The following VPS13A variants were observed in gnomAD, a reference collection of about 807,000 sequenced individuals.
The protein encoded by VPS13A is intermembrane lipid transfer protein VPS13A.
VPS13A carries 264 observed loss-of-function variants against 390.9 expected under a neutral mutation model. That is an observed-to-expected ratio of 0.68 (90% CI 0.61 to 0.75). VPS13A has a LOEUF of 0.75. VPS13A is among the 30% of genes least tolerant of loss of function. The pLI is 0.00. For synonymous variants in VPS13A, 1,231 were observed against 1,227.1 expected (o/e 1.00, Z -0.07); for missense variants, 3,409 against 3,733.9 (o/e 0.91, Z 2.27).
At chr9:77,214,293 C>T (rs766583050) in intron 9 of VPS13A, 36 bp from the exon 10 acceptor site, 1 of 1,575,092 alleles carries the variant, frequency 6.3e-7, no homozygotes, top group South Asian at 1.1e-5. Flanking sequence ...GACATATTGG[C>T]ATGAATATAA....
chr9:77,252,208 T>C (rs1330925511), intron 21 of VPS13A, 27 bp from the exon 22 acceptor site: 3 of 1,542,834 alleles, frequency 1.9e-6, no homozygotes, highest in East Asian at 4.5e-5. Flanking sequence ...ATAGTTACGT[T>C]AAATATGAAC....
chr9:77,229,340 C>G (rs184015685), intron 17 of VPS13A, among the ~76,000 whole-genome samples: 1 of 152,236 alleles, frequency 6.6e-6, no homozygotes, highest in East Asian at 1.9e-4. Flanking sequence ...CTCAGCCTCC[C>G]GAAGTGCTGG....
Position 77,261,291 on chromosome 9 carries a change from A to G in VPS13A, c.2427+1067A>G, listed in dbSNP as rs182749208. The stretch of plus-strand genomic sequence containing the variant: ...ACCATTATTATCATATATGCCTTAG[A>G]TAAATTTTTATGTTAGCACATACAG... On this transcript the variant is annotated intron_variant, in intron 23 of 71. Transcript: ENST00000360280. Among the ~76,000 whole-genome samples the G allele has an allele frequency of 5.1e-3, 778 of 152,254 alleles. 3 individuals carry two copies. Among genetic ancestry groups the G allele is most frequent in the Non-Finnish European group, 9.4e-3 (641 of 68,012 alleles).
rs777234852 is a variant in VPS13A, at chr9:77,273,306, A to G, written c.2454A>G (p.Thr818=). 7.4e-6 allele frequency: 12 copies of G among 1,612,226 alleles called. No homozygotes were observed. The highest frequency in any genetic ancestry group is 9.3e-6 in the Non-Finnish European group (11 of 1,179,054). Residue 818 remains threonine (T), a synonymous_variant, in exon 24 of 72, where the codon ACA becomes ACG. Transcript: ENST00000360280. The part of the protein sequence containing the change: ...FQIQTSTSLG[T]SQISQKIIPL... ...TTCAAACATCTACTTCTTTGGGAAC[A>G]TCACAGATTTCACAGAAAATAATTC...
At chr9:77,382,468 T>G in intron 68 of VPS13A, 1 of 1,354,474 alleles carries the variant, frequency 7.4e-7, no homozygotes, top group Non-Finnish European at 9.5e-7. Context: ...GTGTTCTTAG[T>G]TCTGCACTGG....
intron 38 of VPS13A, 122 bp downstream of exon 38, chr9:77,315,592 A>T (rs1829336862): frequency 9.7e-7 from 1 of 1,026,144 alleles, no homozygotes; most frequent in South Asian, 1.4e-5. Context: ...TTTATTTTTC[A>T]GAGTAGAAGG....
At chr9:77,224,613 A>T (rs901272759) in intron 13 of VPS13A, among the ~76,000 whole-genome samples, 10 of 152,228 alleles carry the variant, frequency 6.6e-5, no homozygotes, top group Non-Finnish European at 1.3e-4. Context: ...CAATCTCATG[A>T]TAAAACTTTA....
chr9:77,407,897 A>AAATTAATT (rs551012766), intron 71 of VPS13A, among the ~76,000 whole-genome samples: 1 of 152,166 alleles, frequency 6.6e-6, no homozygotes, highest in African/African-American at 2.4e-5. Flanking sequence ...CAACAAACAA[A>AAATTAATT]AATTAATTAT....
intron 22 of VPS13A, among the ~76,000 whole-genome samples, chr9:77,254,968 T>C (rs976699460): frequency 3.3e-5 from 5 of 152,172 alleles, no homozygotes; most frequent in Admixed American, 2.0e-4. Context: ...CTTTCTGATA[T>C]GGGTGCCTTT....
chr9:77,280,297 T>G (rs1826943755), intron 27 of VPS13A, 59 bp downstream of exon 27: 1 of 1,394,848 alleles, frequency 7.2e-7, no homozygotes, highest in African/African-American at 1.4e-5. Flanking sequence ...AATGTTAAGT[T>G]TTGTAAGTTT....
chr9:77,357,338 A>C (rs558038804), intron 55 of VPS13A, among the ~76,000 whole-genome samples: 9 of 147,080 alleles, frequency 6.1e-5, no homozygotes, highest in Non-Finnish European at 1.2e-4. Context: ...AAAAAAAAAA[A>C]AAAAGAAAAG....
rs537710489 is a variant in VPS13A, at chr9:77,357,334, A to G, written c.7807-358A>G. On this transcript the variant is annotated intron_variant, in intron 55 of 71. Transcript: ENST00000360280. ...TCTGTCTCAAAAAAAAAAAAAAAAA[A>G]AAAAAAAAGAAAAGAAAACTTTCTT... Among the ~76,000 whole-genome samples the G allele has an allele frequency of 4.9e-3, 745 of 150,572 alleles. 5 individuals are homozygous for G. Among genetic ancestry groups the G allele is most frequent in the South Asian group, 9.7e-3 (46 of 4,754 alleles).
At chr9:77,398,345 C>T (rs961210034) in intron 68 of VPS13A, among the ~76,000 whole-genome samples, 1 of 152,082 alleles carries the variant, frequency 6.6e-6, no homozygotes, top group African/African-American at 2.4e-5. Flanking sequence ...TTTCTGAGCC[C>T]AGTTTTGCAA....
At chr9:77,325,086 A>C (rs1323932864) in intron 45 of VPS13A, among the ~76,000 whole-genome samples, 1 of 152,146 alleles carries the variant, frequency 6.6e-6, no homozygotes, top group African/African-American at 2.4e-5. Context: ...TAAGAACCAA[A>C]AATCAGGCAA....
At chr9:77,235,389 G>T (rs183663109) in intron 17 of VPS13A, among the ~76,000 whole-genome samples, 6 of 152,068 alleles carry the variant, frequency 3.9e-5, no homozygotes, top group Non-Finnish European at 8.8e-5. Flanking sequence ...TGGACTGCAT[G>T]GTTTCTGAGG....
At chr9:77,373,408 G>C (rs1198740177) in intron 67 of VPS13A, among the ~76,000 whole-genome samples, 1 of 132,728 alleles carries the variant, frequency 7.5e-6, no homozygotes, top group African/African-American at 2.7e-5. Context: ...TTTAATAAAT[G>C]GTGCTGGGAA....
intron 54 of VPS13A, 76 bp downstream of exon 54, chr9:77,353,717 A>C: frequency 4.4e-6 from 6 of 1,363,312 alleles, no homozygotes; most frequent in Non-Finnish European, 6.2e-6. Flanking sequence ...GTAAAATCTC[A>C]AATGATTTAG....
intron 47 of VPS13A, 88 bp downstream of exon 47, chr9:77,337,625 G>T: frequency 7.3e-7 from 1 of 1,367,010 alleles, no homozygotes; most frequent in Non-Finnish European, 1.0e-6. Flanking sequence ...CTATTTTAAA[G>T]ATCTAATAAA....
At chr9:77,197,986 A>T (rs1825101619) in intron 1 of VPS13A, among the ~76,000 whole-genome samples, 1 of 152,180 alleles carries the variant, frequency 6.6e-6, no homozygotes, top group African/African-American at 2.4e-5. Context: ...TTCAGTGAAA[A>T]TACAGTGTGT....
Sources: allele counts gnomAD v4.1 joint callset (sites outside exome capture counted in the v4.1 genomes callset), GRCh38; gene constraint gnomAD v4.1.1; transcripts MANE v1.5; gene names NCBI Gene and HGNC (gene_info 2026-07-23, HGNC 2026-07-21).